Variants in TENM1 observed in about 807,000 individuals in gnomAD.
The protein encoded by TENM1 is teneurin transmembrane protein 1.
A neutral mutation model predicts 174.8 loss-of-function variants in TENM1; 35 were observed. The ratio of observed to expected loss-of-function variants is 0.20; its 90% CI spans 0.15 to 0.27. TENM1 has a LOEUF of 0.27. TENM1 is among the 10% of genes least tolerant of loss of function. TENM1 has a pLI of 1.00. For synonymous variants in TENM1, 781 were observed against 798.7 expected, an observed-to-expected ratio of 0.98 and a Z score of 0.37; for missense variants, 1,633 against 2,130.1, an observed-to-expected ratio of 0.77 and a Z score of 4.59.
the TENM1 span, among the ~76,000 whole-genome samples, chrX:125,047,376 T>C: frequency 9.0e-6 from 1 of 111,489 alleles, no homozygotes; most frequent in Non-Finnish European, 1.9e-5. Context: ...TACTAGGCTA[T>C]AAGAGTTTAC....
the TENM1 span, among the ~76,000 whole-genome samples, chrX:125,039,568 A>G: frequency 1.8e-5 from 2 of 111,343 alleles, no homozygotes; most frequent in Non-Finnish European, 3.8e-5. Flanking sequence ...AAAAAAAGAC[A>G]TAGGTAAACC....
At chrX:124,621,672 G>T (rs1297545284) in intron 11 of TENM1, among the ~76,000 whole-genome samples, 2 of 111,939 alleles carry the variant, frequency 1.8e-5, no homozygotes, top group Admixed American at 1.9e-4. Context: ...TTCACTTATG[G>T]TGTTATGTTA....
intron 3 of TENM1, among the ~76,000 whole-genome samples, chrX:124,763,953 A>G (rs1437203421): frequency 8.9e-6 from 1 of 112,334 alleles, no homozygotes; most frequent in Non-Finnish European, 1.9e-5. Context: ...TTGCTGGTAC[A>G]TCTTGATTAT....
At chrX:124,732,187 C>T (rs754476761) in intron 4 of TENM1, among the ~76,000 whole-genome samples, 1 of 112,109 alleles carries the variant, frequency 8.9e-6, no homozygotes, top group Non-Finnish European at 1.9e-5. Flanking sequence ...TATGTACTTA[C>T]AGAATAAATA....
intron 18 of TENM1, among the ~76,000 whole-genome samples, chrX:124,507,475 A>G (rs1179133555): frequency 9.0e-6 from 1 of 111,559 alleles, no homozygotes; most frequent in Non-Finnish European, 1.9e-5. Context: ...TCCTCTGGTC[A>G]CAGGATTGCA....
intron 3 of TENM1, among the ~76,000 whole-genome samples, chrX:124,880,797 G>A (rs1312641160): frequency 9.0e-6 from 1 of 111,509 alleles, no homozygotes; most frequent in Non-Finnish European, 1.9e-5. Flanking sequence ...TGTCCATATG[G>A]TTTTTGTCCT....
Position 124,529,738 on chromosome X carries a change from G to A in TENM1, c.2771+126C>T, listed in dbSNP as rs1185688788. The A allele has an allele frequency of 6.8e-6, 6 of 881,824 alleles. No homozygotes were observed. In the Admixed American group the frequency reaches 1.5e-4, roughly 23 times the overall value. The allele number at this position is 881,824 out of a possible 1,213,427, so 72.7% of individuals were successfully genotyped here. A position where few individuals can be genotyped will look rare whatever the true frequency, so the allele number is the denominator to read the frequency against. ...AATAGAGGAAATAAATATCACCAAT[G>A]ACTTTTTGAGATATAACTTGAAGAA... On this transcript the variant is annotated intron_variant, in intron 16 of 31. Transcript: ENST00000422452.
intron 1 of TENM1, among the ~76,000 whole-genome samples, chrX:124,896,499 T>C (rs2057565340): frequency 9.0e-6 from 1 of 111,619 alleles, no homozygotes; most frequent in Admixed American, 9.6e-5. Flanking sequence ...GCTACAATTT[T>C]AGGTTTCACA....
chrX:124,433,852 G>A (rs1433579417), intron 23 of TENM1, among the ~76,000 whole-genome samples: 1 of 111,689 alleles, frequency 9.0e-6, no homozygotes, highest in Non-Finnish European at 1.9e-5. Flanking sequence ...TTTCTGAAGT[G>A]AAGATGTATC....
At position 124,485,916 on chromosome X, in the gene TENM1, G is replaced by T. The variant is rs138701604; in HGVS notation, c.3716+1293C>A. ...TGAGCAACATGTCCTATTTTGCTCAGCCAGGCTGTTCTCAAACTTTGTGTA... is the reference window on the plus strand; with the variant it reads ...TGAGCAACATGTCCTATTTTGCTCATCCAGGCTGTTCTCAAACTTTGTGTA... On this transcript the variant is annotated intron_variant, in intron 21 of 31. Transcript: ENST00000422452. Among the ~76,000 whole-genome samples, 505 of 112,043 alleles carry T rather than the reference G, an allele frequency of 4.5e-3. 2 individuals are homozygous for T. The highest frequency in any genetic ancestry group is 0.015 in the African/African-American group (472 of 30,908).
intron 22 of TENM1, among the ~76,000 whole-genome samples, chrX:124,454,394 TATATCTAG>T (rs1569532498): frequency 3.2e-4 from 5 of 15,730 alleles, no homozygotes; most frequent in African/African-American, 3.0e-3. Flanking sequence ...TATATCTAGG[TATATCTAG>T]GTGTTTTTTT....
chrX:125,135,544 T>C, the TENM1 span, among the ~76,000 whole-genome samples: 14 of 112,088 alleles, frequency 1.2e-4, no homozygotes, highest in African/African-American at 3.6e-4. Context: ...AAAAATTACA[T>C]AAAGCATGTG....
chrX:124,848,894 G>A (rs961963579), intron 3 of TENM1, among the ~76,000 whole-genome samples: 1 of 111,559 alleles, frequency 9.0e-6, no homozygotes, highest in Non-Finnish European at 1.9e-5. Context: ...TCATCCTTGA[G>A]CACCTCTGGA....
At chrX:124,854,226 C>G (rs778205990) in intron 3 of TENM1, among the ~76,000 whole-genome samples, 2 of 110,875 alleles carry the variant, frequency 1.8e-5, no homozygotes, top group Non-Finnish European at 3.8e-5. Context: ...GAGTTGGAGA[C>G]CATTATTCTA....
At chrX:124,381,154 A>T (rs770443041) in exon 32 of TENM1, 28 of 1,209,532 alleles carry the variant, frequency 2.3e-5, no homozygotes, top group Admixed American at 8.7e-5. Context: ...TCCCAAAAAC[A>T]GAAGGGACAG....
At chrX:124,682,449 C>G (rs2052258912) in intron 5 of TENM1, among the ~76,000 whole-genome samples, 1 of 111,066 alleles carries the variant, frequency 9.0e-6, no homozygotes, top group Non-Finnish European at 1.9e-5. Flanking sequence ...AGTATGCAAT[C>G]CTGGGTGATG....
chrX:124,634,355 T>C (rs1281651214), intron 11 of TENM1, among the ~76,000 whole-genome samples: 1 of 111,530 alleles, frequency 9.0e-6, no homozygotes, highest in Non-Finnish European at 1.9e-5. Context: ...TTACTATTTC[T>C]AAGAAACCCA....
intron 6 of TENM1, among the ~76,000 whole-genome samples, chrX:124,655,596 C>A (rs747283723): frequency 8.9e-6 from 1 of 112,340 alleles, no homozygotes; most frequent in Admixed American, 9.4e-5. Flanking sequence ...AAGAAACACA[C>A]CTGCAGTGGC....
chrX:124,914,325 G>T (rs1176784712), intron 1 of TENM1, among the ~76,000 whole-genome samples: 1 of 111,135 alleles, frequency 9.0e-6, no homozygotes, highest in Non-Finnish European at 1.9e-5. Flanking sequence ...ATTGGTTCAG[G>T]CAATAAACAC....
Sources: gnomAD v4.1 joint callset for allele counts (sites outside exome capture counted in the v4.1 genomes callset) on GRCh38, gnomAD v4.1.1 for gene constraint, MANE v1.5 for transcripts, NCBI Gene and HGNC (gene_info 2026-07-23, HGNC 2026-07-21) for gene names.